PLCL1: variants seen among roughly 807,000 people sequenced by gnomAD.
PLCL1 encodes phospholipase C like 1 (inactive), also known as inactive phospholipase C-like protein 1.
Under a neutral mutation model 84.4 loss-of-function variants are expected in PLCL1, and 41 were observed. The observed-to-expected ratio is 0.49, with a 90% CI of 0.38 to 0.63. The LOEUF is 0.63. PLCL1 is among the 30% of genes least tolerant of loss of function. The pLI is 0.00. For synonymous variants in PLCL1, 490 were observed against 488.3 expected (o/e 1.00, Z -0.05); for missense variants, 1,206 against 1,367.8 (o/e 0.88, Z 1.87).
intron 1 of PLCL1, among the ~76,000 whole-genome samples, chr2:197,830,995 C>T (rs574761657): frequency 4.0e-4 from 61 of 152,258 alleles, no homozygotes; most frequent in African/African-American, 1.4e-3. Context: ...CCAGGCCTGC[C>T]TTACTAGAGC....
At chr2:198,044,362 G>A (rs1287061366) in intron 1 of PLCL1, among the ~76,000 whole-genome samples, 1 of 152,122 alleles carries the variant, frequency 6.6e-6, no homozygotes, top group East Asian at 1.9e-4. Flanking sequence ...AAAAAAGCAT[G>A]CTACTTTAAT....
intron 3 of PLCL1, among the ~76,000 whole-genome samples, chr2:198,093,924 C>T (rs1259843288): frequency 6.6e-6 from 1 of 151,764 alleles, no homozygotes; most frequent in African/African-American, 2.4e-5. Flanking sequence ...ATTTTTTCCC[C>T]TAAATTTAGC....
At chr2:198,013,921 C>G (rs1411502609) in intron 1 of PLCL1, among the ~76,000 whole-genome samples, 1 of 151,996 alleles carries the variant, frequency 6.6e-6, no homozygotes, top group African/African-American at 2.4e-5. Flanking sequence ...TTGTTTGTGG[C>G]TAGTTGAGCA....
intron 5 of PLCL1, among the ~76,000 whole-genome samples, chr2:198,112,268 A>AGTCCTT (rs1481438970): frequency 6.6e-6 from 1 of 151,834 alleles, no homozygotes; most frequent in Non-Finnish European, 1.5e-5. Flanking sequence ...GATACAGTTG[A>AGTCCTT]GTCCTTGGAC....
intron 1 of PLCL1, among the ~76,000 whole-genome samples, chr2:197,999,745 C>T (rs1690555753): frequency 6.6e-6 from 1 of 152,096 alleles, no homozygotes; most frequent in Non-Finnish European, 1.5e-5. Flanking sequence ...GGGGATGGAC[C>T]ATGAAATTTA....
chr2:198,099,226 CT>C (rs1693272658), intron 3 of PLCL1, among the ~76,000 whole-genome samples: 1 of 151,982 alleles, frequency 6.6e-6, no homozygotes, highest in Non-Finnish European at 1.5e-5. Flanking sequence ...ATCTTCTCAC[CT>C]TCTCTGCTTG....
At chr2:197,893,318 A>G (rs1428328169) in intron 1 of PLCL1, among the ~76,000 whole-genome samples, 1 of 152,202 alleles carries the variant, frequency 6.6e-6, no homozygotes, top group South Asian at 2.1e-4. Context: ...TTAGGGAAGA[A>G]TACTTAAAAA....
intron 1 of PLCL1, among the ~76,000 whole-genome samples, chr2:197,944,109 C>G (rs180925619): frequency 6.6e-6 from 1 of 152,118 alleles, no homozygotes; most frequent in East Asian, 1.9e-4. Flanking sequence ...TTAGAGTTTG[C>G]GTATCTGGGT....
intron 5 of PLCL1, among the ~76,000 whole-genome samples, chr2:198,114,902 A>T (rs1193190655): frequency 6.6e-6 from 1 of 151,834 alleles, no homozygotes; most frequent in African/African-American, 2.4e-5. Context: ...CTGAATTTAG[A>T]TAGAGAATCT....
intron 1 of PLCL1, among the ~76,000 whole-genome samples, chr2:197,911,864 G>C (rs1185104806): frequency 6.6e-6 from 1 of 152,194 alleles, no homozygotes; most frequent in Non-Finnish European, 1.5e-5. Flanking sequence ...TCAGAACACA[G>C]GGAGAAACAT....
chr2:197,992,729 G>T (rs1164472626), intron 1 of PLCL1, among the ~76,000 whole-genome samples: 1 of 151,978 alleles, frequency 6.6e-6, no homozygotes, highest in East Asian at 1.9e-4. Flanking sequence ...CCAGCTCCTG[G>T]CAACCACCAT....
At chr2:198,106,097 A>G (rs1320982754) in intron 5 of PLCL1, among the ~76,000 whole-genome samples, 1 of 151,920 alleles carries the variant, frequency 6.6e-6, no homozygotes, top group East Asian at 1.9e-4. Flanking sequence ...CCAACTCAGT[A>G]TCGTTATTAA....
At chr2:197,863,884 T>C (rs1256182979) in intron 1 of PLCL1, among the ~76,000 whole-genome samples, 1 of 152,222 alleles carries the variant, frequency 6.6e-6, no homozygotes, top group Admixed American at 6.5e-5. Flanking sequence ...TTTGATAAGA[T>C]AGCTGTTGGT....
intron 1 of PLCL1, among the ~76,000 whole-genome samples, chr2:197,921,167 A>T (rs527878224): frequency 8.5e-5 from 13 of 152,230 alleles, no homozygotes; most frequent in Non-Finnish European, 1.6e-4. Flanking sequence ...ACATATCTAA[A>T]AATAGAAAAG....
chr2:197,900,386 A>T lies in PLCL1; in HGVS notation c.240+95047A>T, dbSNP rs1028525310. 5.3e-5 allele frequency among the ~76,000 whole-genome samples: 8 copies of T among 152,232 alleles called. No homozygotes were observed. The East Asian group carries it at 1.3e-3, about 26-fold the overall frequency. On this transcript the variant is annotated intron_variant, in intron 1 of 5. Coordinates refer to ENST00000428675, the MANE Select transcript of PLCL1 (RefSeq NM_006226.4). ...AGAGGAGTCAGAAATAGTGATTAAG[A>T]TGGAATGGAATGGACTGAGAAGAAA...
intron 1 of PLCL1, among the ~76,000 whole-genome samples, chr2:198,059,775 C>G (rs1298308012): frequency 1.3e-5 from 2 of 152,098 alleles, no homozygotes; most frequent in East Asian, 3.8e-4. Flanking sequence ...GTTTTGCAAG[C>G]AGGGAAACCT....
At chr2:197,839,859 A>G (rs757375287) in intron 1 of PLCL1, among the ~76,000 whole-genome samples, 27 of 152,204 alleles carry the variant, frequency 1.8e-4, no homozygotes, top group Non-Finnish European at 2.8e-4. Context: ...AAACTGCATT[A>G]GTATGTTCTA....
chr2:197,979,632 C>A lies in PLCL1; in HGVS notation c.241-104126C>A, dbSNP rs142003509. Among the ~76,000 whole-genome samples, 674 of 152,280 alleles carry A rather than the reference C, an allele frequency of 4.4e-3. 7 individuals carry two copies. The highest frequency in any genetic ancestry group is 0.016 in the African/African-American group (647 of 41,546). On this transcript the variant is annotated intron_variant, in intron 1 of 5. Transcript: ENST00000428675. The stretch of plus-strand genomic sequence containing the variant: ...ATTAAGTCCAAGTCCATTTGTGGGA[C>A]CTCTGAGTCCCTTTAGATTCAAATC...
chr2:197,874,737 C>CTAAGG (rs142505458), intron 1 of PLCL1, among the ~76,000 whole-genome samples: 1,764 of 152,210 alleles, frequency 0.012, 41 homozygotes, highest in African/African-American at 0.04. Flanking sequence ...ATATGGTACA[C>CTAAGG]TAAGGTTTCT....
Sources: allele counts gnomAD v4.1 joint callset (sites outside exome capture counted in the v4.1 genomes callset), GRCh38; gene constraint gnomAD v4.1.1; transcripts MANE v1.5; gene names NCBI Gene and HGNC (gene_info 2026-07-23, HGNC 2026-07-21).